The following ASTN2 variants were observed in gnomAD, a reference collection of about 807,000 sequenced individuals.
ASTN2 encodes astrotactin 2, also known as astrotactin-2.
ASTN2 carries 54 observed loss-of-function variants against 139.8 expected under a neutral mutation model. The observed-to-expected ratio is 0.39, with a 90% confidence interval of 0.31 to 0.48. The LOEUF is 0.48. Ranked by LOEUF, ASTN2 falls within the 20% of genes least tolerant of loss-of-function variation. ASTN2 has a pLI of 0.95. For synonymous variants in ASTN2, 756 were observed against 719.5 expected, an observed-to-expected ratio of 1.05 and a Z score of -0.81; for missense variants, 1,565 against 1,725.1, an observed-to-expected ratio of 0.91 and a Z score of 1.64.
chr9:116,794,919 C>G (rs1299963472), intron 13 of ASTN2, among the ~76,000 whole-genome samples: 1 of 152,114 alleles, frequency 6.6e-6, no homozygotes, highest in Non-Finnish European at 1.5e-5. Flanking sequence ...GGCCTCCTTT[C>G]CTATTGGGCA....
At chr9:117,052,407 A>T (rs1222070248) in intron 5 of ASTN2, among the ~76,000 whole-genome samples, 2 of 145,248 alleles carry the variant, frequency 1.4e-5, no homozygotes, top group Non-Finnish European at 3.0e-5. Flanking sequence ...ACTGCACTCC[A>T]GCCTGGGCGA....
chr9:116,862,744 T>C (rs953899719), intron 11 of ASTN2, among the ~76,000 whole-genome samples: 8 of 151,750 alleles, frequency 5.3e-5, no homozygotes, highest in Non-Finnish European at 1.0e-4. Context: ...AATGCCAGGC[T>C]GAGTTTAGCC....
chr9:116,931,261 C>T (rs1834889924), intron 10 of ASTN2, among the ~76,000 whole-genome samples: 1 of 152,150 alleles, frequency 6.6e-6, no homozygotes, highest in Non-Finnish European at 1.5e-5. Context: ...TGCCATCGGC[C>T]TATCCCTTCG....
intron 1 of ASTN2, among the ~76,000 whole-genome samples, chr9:117,404,313 G>A (rs1006338326): frequency 1.3e-5 from 2 of 152,170 alleles, no homozygotes; most frequent in African/African-American, 4.8e-5. Context: ...TGATCCCAGG[G>A]CTTTTGGTCC....
At chr9:116,808,657 A>G (rs1831090940) in intron 12 of ASTN2, among the ~76,000 whole-genome samples, 1 of 152,196 alleles carries the variant, frequency 6.6e-6, no homozygotes. Flanking sequence ...ATTGTGCCCA[A>G]CTATGTGTTT....
chr9:117,282,409 A>G (rs1025503182), intron 2 of ASTN2, among the ~76,000 whole-genome samples: 1 of 152,198 alleles, frequency 6.6e-6, no homozygotes, highest in East Asian at 1.9e-4. Flanking sequence ...CATCTCCAAG[A>G]TACCCTTGTC....
At chr9:116,864,451 C>T (rs1832968717) in intron 10 of ASTN2, among the ~76,000 whole-genome samples, 1 of 152,136 alleles carries the variant, frequency 6.6e-6, no homozygotes, top group Non-Finnish European at 1.5e-5. Flanking sequence ...ATGAGGTTCT[C>T]AAAAGATAAG....
intron 10 of ASTN2, among the ~76,000 whole-genome samples, chr9:116,950,008 T>C (rs1835513594): frequency 6.6e-6 from 1 of 152,158 alleles, no homozygotes; most frequent in South Asian, 2.1e-4. Flanking sequence ...GTGATTGTTA[T>C]TTCAGTATCA....
At chr9:116,848,603 T>C (rs1467752066) in intron 11 of ASTN2, among the ~76,000 whole-genome samples, 2 of 152,198 alleles carry the variant, frequency 1.3e-5, no homozygotes, top group African/African-American at 4.8e-5. Flanking sequence ...TCTCTTTTCT[T>C]AGCCCTTCCG....
At chr9:117,198,117 G>A (rs1223415143) in intron 3 of ASTN2, among the ~76,000 whole-genome samples, 1 of 151,878 alleles carries the variant, frequency 6.6e-6, no homozygotes, top group Admixed American at 6.6e-5. Flanking sequence ...TTGTCACATA[G>A]GTATACATGT....
chr9:117,006,206 A>G (rs1365697387), intron 7 of ASTN2, among the ~76,000 whole-genome samples: 1 of 152,052 alleles, frequency 6.6e-6, no homozygotes, highest in Non-Finnish European at 1.5e-5. Flanking sequence ...CTACTACTGG[A>G]ACCCCAATTT....
chr9:116,699,265 G>C lies in ASTN2; in HGVS notation c.2806+26506C>G. Reference sequence around the variant, plus strand: ...CGAGGATCAGGGGTGGTCAAATACAGCTGCCTATGTAGTGCTGTGCGGCCC... The same window carrying C: ...CGAGGATCAGGGGTGGTCAAATACACCTGCCTATGTAGTGCTGTGCGGCCC... On this transcript the variant is annotated intron_variant, in intron 16 of 22. Transcript: ENST00000313400. The surrounding 1 kb of genome is among the most constrained non-coding windows in gnomAD (Gnocchi z 4.2). The C allele has an allele frequency of 6.2e-7, 1 of 1,614,216 alleles. No individual in the cohort carries two copies. Among genetic ancestry groups the C allele is most frequent in the Non-Finnish European group, 8.5e-7 (1 of 1,180,046 alleles).
At chr9:117,410,957 C>T (rs1293893246) in intron 1 of ASTN2, among the ~76,000 whole-genome samples, 2 of 152,200 alleles carry the variant, frequency 1.3e-5, no homozygotes, top group Admixed American at 1.3e-4. Flanking sequence ...TCTTGTCTAA[C>T]AATCTTGATG....
At chr9:117,026,385 C>CA (rs1156649511) in intron 6 of ASTN2, among the ~76,000 whole-genome samples, 1 of 152,130 alleles carries the variant, frequency 6.6e-6, no homozygotes, top group Non-Finnish European at 1.5e-5. Flanking sequence ...CACCACACCT[C>CA]ACAGCTTTAC....
intron 1 of ASTN2, among the ~76,000 whole-genome samples, chr9:117,357,544 T>A (rs1468746843): frequency 2.6e-5 from 4 of 151,838 alleles, no homozygotes; most frequent in Non-Finnish European, 4.4e-5. Context: ...GAATTGGAAA[T>A]ACTCCTGGAT....
In ASTN2 at chr9:116,552,757, C is replaced by T. The variant is rs776822313; in HGVS notation, c.3356-65257G>A. 2.2e-4 allele frequency among the ~76,000 whole-genome samples: 33 copies of T among 152,164 alleles called. 1 individual carries two copies. Among genetic ancestry groups the T allele is most frequent in the Non-Finnish European group, 2.4e-4 (16 of 68,040 alleles). ...CAAAGCAAAAATAAAGATCCCAAGGCCTGGTGCCCTAAAACTTGGCATCAC... is the reference window on the plus strand; with the variant it reads ...CAAAGCAAAAATAAAGATCCCAAGGTCTGGTGCCCTAAAACTTGGCATCAC... On this transcript the variant is annotated intron_variant, in intron 19 of 22. Coordinates refer to ENST00000313400, the MANE Select transcript of ASTN2 (RefSeq NM_001365068.1).
intron 21 of ASTN2, among the ~76,000 whole-genome samples, chr9:116,442,156 G>A (rs1031489949): frequency 3.3e-5 from 5 of 152,274 alleles, no homozygotes; most frequent in Non-Finnish European, 4.4e-5. Flanking sequence ...ATACAGTTAT[G>A]GGGCTCTGAC....
At chr9:117,116,690 C>T (rs34148427) in intron 4 of ASTN2, among the ~76,000 whole-genome samples, 55,888 of 150,994 alleles carry the variant, frequency 0.37, 10,821 homozygotes, top group Non-Finnish European at 0.43. Flanking sequence ...TCTTTCCAAG[C>T]TAGGCTACAT....
At chr9:116,972,972 G>T (rs1836251362) in intron 10 of ASTN2, among the ~76,000 whole-genome samples, 1 of 152,164 alleles carries the variant, frequency 6.6e-6, no homozygotes, top group Admixed American at 6.5e-5. Context: ...CATACCATCT[G>T]ACTGGAACTT....
Sources: allele counts gnomAD v4.1 joint callset (sites outside exome capture counted in the v4.1 genomes callset), GRCh38; gene constraint gnomAD v4.1.1; non-coding constraint Gnocchi (gnomAD v3.1); transcripts MANE v1.5; gene names NCBI Gene and HGNC (gene_info 2026-07-23, HGNC 2026-07-21).